CSMD1: variants seen among roughly 807,000 people sequenced by gnomAD.
The protein encoded by CSMD1 is CUB and Sushi multiple domains 1.
Under a neutral mutation model 417.5 loss-of-function variants are expected in CSMD1, and 213 were observed. The observed-to-expected ratio is 0.51, with a 90% CI of 0.46 to 0.57. CSMD1 has a LOEUF of 0.57. Among genes scored for constraint, CSMD1 ranks in the 20% least tolerant of loss-of-function variants. The pLI, the probability that CSMD1 is intolerant of heterozygous loss-of-function variation, is 0.00. For synonymous variants in CSMD1, 2,862 were observed against 1,736.8 expected, an observed-to-expected ratio of 1.65 and a Z score of -16.11; for missense variants, 6,923 against 4,529.7, an observed-to-expected ratio of 1.53 and a Z score of -15.17.
chr8:3,858,616 C>T (rs1804475728), intron 5 of CSMD1, among the ~76,000 whole-genome samples: 1 of 152,024 alleles, frequency 6.6e-6, no homozygotes, highest in Admixed American at 6.6e-5. Context: ...TCTCGAAGGC[C>T]TATTTAAAAC....
chr8:3,779,181 GTGTA>G (rs980355452), intron 5 of CSMD1, among the ~76,000 whole-genome samples: 5 of 150,150 alleles, frequency 3.3e-5, no homozygotes, highest in African/African-American at 1.2e-4. Context: ...GTGTGTGTGT[GTGTA>G]TGTGCAGTAT....
At chr8:4,882,669 A>G (rs1002245711) in intron 1 of CSMD1, among the ~76,000 whole-genome samples, 1 of 151,902 alleles carries the variant, frequency 6.6e-6, no homozygotes, top group Non-Finnish European at 1.5e-5. Flanking sequence ...AGACTCTTCA[A>G]ATTATTCCAT....
chr8:3,309,994 G>T (rs1007134627), intron 23 of CSMD1, among the ~76,000 whole-genome samples: 1 of 152,110 alleles, frequency 6.6e-6, no homozygotes, highest in African/African-American at 2.4e-5. Context: ...CGATAACCCT[G>T]ATCTATTTAA....
chr8:3,447,836 A>G (rs569581938), intron 12 of CSMD1, among the ~76,000 whole-genome samples: 1 of 152,198 alleles, frequency 6.6e-6, no homozygotes, highest in Non-Finnish European at 1.5e-5. Flanking sequence ...TGGGTTTGAG[A>G]TGGAGGCCAT....
intron 1 of CSMD1, among the ~76,000 whole-genome samples, chr8:4,854,231 A>G (rs887901966): frequency 6.6e-6 from 1 of 152,092 alleles, no homozygotes; most frequent in African/African-American, 2.4e-5. Flanking sequence ...TGATTTGGGT[A>G]TTTGCTCTCT....
At chr8:4,540,430 C>A (rs1797322310) in intron 2 of CSMD1, among the ~76,000 whole-genome samples, 1 of 152,086 alleles carries the variant, frequency 6.6e-6, no homozygotes, top group African/African-American at 2.4e-5. Flanking sequence ...AGGCCGGGTG[C>A]AGTGGCTCAT....
intron 1 of CSMD1, among the ~76,000 whole-genome samples, chr8:4,900,634 A>G (rs1311242084): frequency 6.6e-6 from 1 of 152,112 alleles, no homozygotes; most frequent in African/African-American, 2.4e-5. Context: ...TAGGCTGTTC[A>G]TCCAGCTCCT....
At chr8:4,669,880 C>G (rs936669240) in intron 1 of CSMD1, among the ~76,000 whole-genome samples, 6 of 152,158 alleles carry the variant, frequency 3.9e-5, no homozygotes, top group Admixed American at 3.9e-4. Context: ...TTCTGGGCTT[C>G]TAGAACTGCT....
chr8:3,271,871 T>G (rs1410968583), intron 26 of CSMD1, among the ~76,000 whole-genome samples: 3 of 152,100 alleles, frequency 2.0e-5, no homozygotes, highest in Middle Eastern at 3.2e-3. Flanking sequence ...TTTCTCCCAT[T>G]TTGTAGGTTG....
At chr8:3,240,352 A>G (rs1799417875) in intron 26 of CSMD1, among the ~76,000 whole-genome samples, 1 of 152,158 alleles carries the variant, frequency 6.6e-6, no homozygotes, top group South Asian at 2.1e-4. Flanking sequence ...TTGTGAGTTT[A>G]TATAATGGTT....
intron 5 of CSMD1, among the ~76,000 whole-genome samples, chr8:3,872,678 A>G (rs1437723088): frequency 6.6e-6 from 1 of 152,150 alleles, no homozygotes; most frequent in Non-Finnish European, 1.5e-5. Context: ...CCCTTCATTC[A>G]TGAAGAGCCT....
intron 2 of CSMD1, among the ~76,000 whole-genome samples, chr8:4,617,137 A>G (rs981838316): frequency 6.6e-6 from 1 of 152,142 alleles, no homozygotes; most frequent in African/African-American, 2.4e-5. Flanking sequence ...TATGCCAACT[A>G]AGACAAGATG....
chr8:4,283,999 G>A (rs528080285), intron 3 of CSMD1, among the ~76,000 whole-genome samples: 18 of 152,274 alleles, frequency 1.2e-4, no homozygotes, highest in Middle Eastern at 6.8e-3. Flanking sequence ...TTGGGAGGCC[G>A]AGGAAGGTGA....
At chr8:4,288,364 T>G (rs1797175866) in intron 3 of CSMD1, among the ~76,000 whole-genome samples, 1 of 152,178 alleles carries the variant, frequency 6.6e-6, no homozygotes, top group African/African-American at 2.4e-5. Flanking sequence ...ACCTTAATGA[T>G]TCCAGAGAGG....
rs113757233 is a variant in CSMD1 at position 3,816,451 on chromosome 8, C to T, written c.819-62409G>A. On this transcript the variant is annotated intron_variant, in intron 5 of 69. Transcript: ENST00000635120. ...TGTATATAGTTATCATTGTTCTATT[C>T]CGTTAGTAGCTGTTATGAATCTCTC... Among the ~76,000 whole-genome samples, 324 of 152,188 alleles carry T rather than the reference C, an allele frequency of 2.1e-3. 3 individuals are homozygous for T. The highest frequency in any genetic ancestry group is 7.2e-3 in the African/African-American group (300 of 41,512).
chr8:4,845,582 A>G (rs35133528), intron 1 of CSMD1, among the ~76,000 whole-genome samples: 46,127 of 152,138 alleles, frequency 0.3, 7,475 homozygotes, highest in Non-Finnish European at 0.37. Context: ...ATAGTCAACC[A>G]ATATTTATTG....
At chr8:3,159,984 G>C (rs1282306816) in intron 38 of CSMD1, among the ~76,000 whole-genome samples, 1 of 152,156 alleles carries the variant, frequency 6.6e-6, no homozygotes, top group Non-Finnish European at 1.5e-5. Context: ...GGGAATTTGA[G>C]GGAGAATGGA....
intron 1 of CSMD1, among the ~76,000 whole-genome samples, chr8:4,746,462 G>A (rs1470977180): frequency 3.3e-5 from 5 of 152,148 alleles, no homozygotes; most frequent in East Asian, 3.9e-4. Context: ...ACAATATCAG[G>A]CTCCCTCAAG....
intron 1 of CSMD1, among the ~76,000 whole-genome samples, chr8:4,744,434 C>T (rs763286359): frequency 2.0e-5 from 3 of 152,184 alleles, no homozygotes; most frequent in Admixed American, 2.0e-4. Flanking sequence ...CTTCCCAATC[C>T]TGGGTCTGCG....
Sources: gnomAD v4.1 joint callset for allele counts (sites outside exome capture counted in the v4.1 genomes callset) on GRCh38, gnomAD v4.1.1 for gene constraint, MANE v1.5 for transcripts, NCBI Gene and HGNC (gene_info 2026-07-23, HGNC 2026-07-21) for gene names.